The following KCNN2 variants were observed in gnomAD, a reference collection of about 807,000 sequenced individuals.
The protein encoded by KCNN2 is potassium calcium-activated channel subfamily N member 2, also known as small conductance calcium-activated potassium channel protein 2.
A neutral mutation model predicts 55.5 loss-of-function variants in KCNN2; 24 were observed. The ratio of observed to expected loss-of-function variants is 0.43; its 90% CI spans 0.31 to 0.61. The LOEUF (loss-of-function observed/expected upper bound fraction) is 0.61. KCNN2 is among the 20% of genes least tolerant of loss of function. KCNN2 has a pLI of 0.08. For missense variants in KCNN2, 754 were observed against 853.6 expected, an observed-to-expected ratio of 0.88 and a Z score of 1.45; for synonymous variants, 431 against 336.1, an observed-to-expected ratio of 1.28 and a Z score of -3.09.
chr5:114,145,034 CA>C (rs1381595670), intron 1 of KCNN2, among the ~76,000 whole-genome samples: 1 of 152,192 alleles, frequency 6.6e-6, no homozygotes, highest in Non-Finnish European at 1.5e-5. Context: ...CCCAAACTCT[CA>C]TACCAGTCAT....
intron 2 of KCNN2, among the ~76,000 whole-genome samples, chr5:114,325,077 G>A (rs2150030984): frequency 6.6e-6 from 1 of 152,278 alleles, no homozygotes; most frequent in South Asian, 2.1e-4. Flanking sequence ...AACTAAGCAG[G>A]ATTGTGTCCT....
chr5:114,337,567 T>C (rs1283367463), intron 2 of KCNN2, among the ~76,000 whole-genome samples: 1 of 152,190 alleles, frequency 6.6e-6, no homozygotes, highest in African/African-American at 2.4e-5. Context: ...GCAGTATAGC[T>C]AATGGTCACT....
intron 2 of KCNN2, among the ~76,000 whole-genome samples, chr5:114,313,006 C>T (rs985171030): frequency 3.9e-5 from 6 of 152,096 alleles, no homozygotes; most frequent in Non-Finnish European, 7.4e-5. Flanking sequence ...CCCTGCCTCT[C>T]TGGAACCTTG....
At chr5:114,340,667 CAT>C (rs1757000058) in intron 2 of KCNN2, among the ~76,000 whole-genome samples, 1 of 68,548 alleles carries the variant, frequency 1.5e-5, no homozygotes, top group African/African-American at 3.9e-5. Flanking sequence ...TGTGTGTGTG[CAT>C]GTGTGTGTGT....
intron 4 of KCNN2, among the ~76,000 whole-genome samples, chr5:114,466,348 G>C (rs1761451528): frequency 6.6e-6 from 1 of 152,122 alleles, no homozygotes; most frequent in African/African-American, 2.4e-5. Context: ...TGGTAGGCAA[G>C]TAATATGGTT....
At chr5:114,335,751 C>T (rs777497366) in intron 2 of KCNN2, among the ~76,000 whole-genome samples, 3 of 150,906 alleles carry the variant, frequency 2.0e-5, no homozygotes, top group Non-Finnish European at 4.4e-5. Flanking sequence ...GTTTAGGGCT[C>T]AAGAAAAAGA....
chr5:114,156,883 C>G (rs1053469777), intron 1 of KCNN2, among the ~76,000 whole-genome samples: 3 of 152,042 alleles, frequency 2.0e-5, no homozygotes, highest in Admixed American at 6.6e-5. Context: ...TGCCAGTAGA[C>G]ATAGCTTATA....
At chr5:114,240,315 G>T (rs2112613966) in intron 2 of KCNN2, among the ~76,000 whole-genome samples, 1 of 151,654 alleles carries the variant, frequency 6.6e-6, no homozygotes, top group African/African-American at 2.4e-5. Context: ...CCTCATAAAA[G>T]CTTATAAAAT....
intron 1 of KCNN2, among the ~76,000 whole-genome samples, chr5:114,086,803 T>C (rs1178083976): frequency 6.6e-6 from 1 of 152,172 alleles, no homozygotes; most frequent in Non-Finnish European, 1.5e-5. Flanking sequence ...TACCCAGTAA[T>C]GGGATTGCTG....
chr5:114,391,685 T>C (rs1758456087), intron 2 of KCNN2, among the ~76,000 whole-genome samples: 1 of 152,202 alleles, frequency 6.6e-6, no homozygotes, highest in Admixed American at 6.5e-5. Flanking sequence ...CTCCATAAAG[T>C]GTTTTAAGTT....
intron 1 of KCNN2, among the ~76,000 whole-genome samples, chr5:114,146,047 TTGA>T (rs1261227113): frequency 6.6e-6 from 1 of 152,086 alleles, no homozygotes; most frequent in Non-Finnish European, 1.5e-5. Context: ...AAACAGGAGG[TTGA>T]TGTTCACCTG....
At chr5:114,287,562 C>T (rs1755779483) in intron 2 of KCNN2, among the ~76,000 whole-genome samples, 1 of 148,224 alleles carries the variant, frequency 6.7e-6, no homozygotes, top group African/African-American at 2.5e-5. Flanking sequence ...AACACATGGA[C>T]ACATGGAGGG....
intron 2 of KCNN2, among the ~76,000 whole-genome samples, chr5:114,318,878 A>C (rs1417593384): frequency 6.6e-6 from 1 of 151,992 alleles, no homozygotes. Flanking sequence ...TGTTCCTTTT[A>C]ATTATTCTCA....
chr5:114,188,219 G>A (rs1163666713), intron 1 of KCNN2, among the ~76,000 whole-genome samples: 1 of 152,180 alleles, frequency 6.6e-6, no homozygotes, highest in Non-Finnish European at 1.5e-5. Flanking sequence ...GCACTTTAGG[G>A]TTTTAACCTA....
At chr5:114,264,671 G>A (rs1456276663) in intron 2 of KCNN2, among the ~76,000 whole-genome samples, 1 of 152,104 alleles carries the variant, frequency 6.6e-6, no homozygotes, top group Non-Finnish European at 1.5e-5. Flanking sequence ...GCAAAGAGTT[G>A]GCATTCTAAG....
chr5:114,304,986 C>A (rs1452571626), intron 2 of KCNN2, among the ~76,000 whole-genome samples: 1 of 152,116 alleles, frequency 6.6e-6, no homozygotes, highest in Non-Finnish European at 1.5e-5. Context: ...TAACAGATTG[C>A]TGATTTTTTT....
intron 1 of KCNN2, among the ~76,000 whole-genome samples, chr5:114,153,581 C>G (rs560675532): frequency 6.6e-6 from 1 of 152,178 alleles, no homozygotes; most frequent in African/African-American, 2.4e-5. Flanking sequence ...GTCCACAAGG[C>G]ACTGTGAGAA....
At chr5:114,094,797 C>G (rs1421421313) in intron 1 of KCNN2, among the ~76,000 whole-genome samples, 1 of 152,088 alleles carries the variant, frequency 6.6e-6, no homozygotes, top group African/African-American at 2.4e-5. Context: ...AATCAGAACT[C>G]TCCTAATGTC....
chr5:114,233,298 C>T (rs539701759), intron 2 of KCNN2, among the ~76,000 whole-genome samples: 2 of 152,094 alleles, frequency 1.3e-5, no homozygotes, highest in Non-Finnish European at 2.9e-5. Flanking sequence ...TTGCAACACT[C>T]CTTTTATTAA....
Sources: allele counts gnomAD v4.1 joint callset (sites outside exome capture counted in the v4.1 genomes callset), GRCh38; gene constraint gnomAD v4.1.1; transcripts MANE v1.5; gene names NCBI Gene and HGNC (gene_info 2026-07-23, HGNC 2026-07-21).